Variants in TACC1 observed in about 807,000 individuals in gnomAD.
TACC1 encodes transforming acidic coiled-coil-containing protein 1.
TACC1 carries 48 observed loss-of-function variants against 84.4 expected under a neutral mutation model. That is an observed-to-expected ratio of 0.57 (90% confidence interval 0.45 to 0.72). The LOEUF is 0.72. Among genes scored for constraint, TACC1 ranks in the 30% least tolerant of loss-of-function variants. The pLI is 0.00. For synonymous variants in TACC1, 372 were observed against 376.3 expected (o/e 0.99, Z 0.13); for missense variants, 920 against 973.0 (o/e 0.95, Z 0.72).
At chr8:38,825,982 A>G (rs1230580780) in intron 4 of TACC1, among the ~76,000 whole-genome samples, 1 of 152,256 alleles carries the variant, frequency 6.6e-6, no homozygotes, top group Non-Finnish European at 1.5e-5. Context: ...CATTCTAGCA[A>G]TAAATAATAT....
At chr8:38,809,163 CA>C (rs1563670540) in intron 2 of TACC1, among the ~76,000 whole-genome samples, 1 of 152,056 alleles carries the variant, frequency 6.6e-6, no homozygotes, top group Non-Finnish European at 1.5e-5. Context: ...TACAATGTAG[CA>C]GATAAGGCTC....
At chr8:38,788,455 A>G (rs1377983815) in intron 1 of TACC1, 3 of 377,802 alleles carry the variant, frequency 7.9e-6, no homozygotes, top group Non-Finnish European at 1.4e-5. Flanking sequence ...CTCGAAAATA[A>G]ATGGTGCTGG....
intron 2 of TACC1, among the ~76,000 whole-genome samples, chr8:38,796,372 T>C (rs537072773): frequency 6.6e-6 from 1 of 152,218 alleles, no homozygotes; most frequent in Non-Finnish European, 1.5e-5. Context: ...AGAGAAGACA[T>C]ATCAGAGGAA....
intron 3 of TACC1, among the ~76,000 whole-genome samples, chr8:38,758,678 C>CAA (rs773304871): frequency 0.26 from 6,650 of 26,068 alleles, 1,815 homozygotes; most frequent in Non-Finnish European, 0.48. Context: ...GACTCCATCT[C>CAA]AAAAAAAAAA....
At chr8:38,815,462 CAG>C (rs1264223969) in intron 2 of TACC1, among the ~76,000 whole-genome samples, 1 of 152,156 alleles carries the variant, frequency 6.6e-6, no homozygotes, top group African/African-American at 2.4e-5. Flanking sequence ...TCTTGTTGCC[CAG>C]ACTGGAGTGC....
chr8:38,793,929 T>C (rs148199002), intron 2 of TACC1, among the ~76,000 whole-genome samples: 36 of 152,322 alleles, frequency 2.4e-4, no homozygotes, highest in African/African-American at 8.4e-4. Flanking sequence ...CTTATTACAA[T>C]TTCAGTAAAA....
intron 2 of TACC1, among the ~76,000 whole-genome samples, chr8:38,802,967 G>T (rs1563615375): frequency 6.6e-6 from 1 of 152,084 alleles, no homozygotes; most frequent in Non-Finnish European, 1.5e-5. Flanking sequence ...ATTTGCAGGG[G>T]ACAAATATCC....
At chr8:38,778,369 T>C (rs1587575287) in intron 3 of TACC1, among the ~76,000 whole-genome samples, 1 of 152,196 alleles carries the variant, frequency 6.6e-6, no homozygotes, top group Non-Finnish European at 1.5e-5. Flanking sequence ...GTAGGAGATA[T>C]CTTTTGACAG....
rs57680940 is a variant in TACC1, at chr8:38,756,282, C to T, written c.26+10789C>T. 6.7e-3 allele frequency among the ~76,000 whole-genome samples: 1,022 copies of T among 152,026 alleles called. 11 individuals carry two copies. Among genetic ancestry groups the T allele is most frequent in the African/African-American group, 0.023 (971 of 41,434 alleles). ...AAGCATGTTGGAGGAACAGTGAAAT[C>T]GAAACAGATTCCCTGTCTTCATGGA... On this transcript the variant is annotated intron_variant, in intron 3 of 14. Coordinates refer to the TACC1 transcript ENST00000518415.
rs947831769 is a variant in TACC1, at chr8:38,787,240, C to T, written c.-343C>T. The T allele has an allele frequency of 8.9e-6, 9 of 1,014,352 alleles. No individual in the cohort carries two copies. Among genetic ancestry groups the T allele is most frequent in the Non-Finnish European group, 1.1e-5 (9 of 849,622 alleles). The allele number at this position is 1,014,352 out of a possible 1,614,324, so 62.8% of individuals were successfully genotyped here. Reference sequence around the variant, plus strand: ...GCCCCGCCGGCCGGGAGGCGGGAGTCCGCGAGCCGGGAGCGGGAGCAGCAG... The same window carrying T: ...GCCCCGCCGGCCGGGAGGCGGGAGTTCGCGAGCCGGGAGCGGGAGCAGCAG... On this transcript the variant is annotated 5_prime_UTR_variant, in exon 1 of 13. Transcript: ENST00000317827.
intron 3 of TACC1, chr8:38,757,466 G>A: frequency 9.0e-7 from 1 of 1,107,110 alleles, no homozygotes; most frequent in Non-Finnish European, 1.1e-6. Flanking sequence ...GCCAGCCCGG[G>A]ATGGAGCGCG....
chr8:38,842,740 C>T (rs1016254802), intron 10 of TACC1, among the ~76,000 whole-genome samples: 2 of 152,366 alleles, frequency 1.3e-5, no homozygotes, highest in Admixed American at 6.5e-5. Context: ...TAATTGAACC[C>T]TCAGACCTCA....
intron 2 of TACC1, among the ~76,000 whole-genome samples, chr8:38,797,831 C>G (rs572178245): frequency 6.6e-6 from 1 of 152,198 alleles, no homozygotes; most frequent in Non-Finnish European, 1.5e-5. Flanking sequence ...GCTCTTCCTG[C>G]CAGAATAGGT....
chr8:38,824,144 T>C (rs1827511153), intron 3 of TACC1: 2 of 806,408 alleles, frequency 2.5e-6, no homozygotes, highest in Non-Finnish European at 3.7e-6. Flanking sequence ...CTTCTGATGA[T>C]TTTTTTGCAT....
At chr8:38,731,886 C>T (rs1423927719) in intron 1 of TACC1, among the ~76,000 whole-genome samples, 1 of 152,106 alleles carries the variant, frequency 6.6e-6, no homozygotes, top group East Asian at 1.9e-4. Context: ...CCAAGGCAGA[C>T]AGATAACTTG....
intron 2 of TACC1, among the ~76,000 whole-genome samples, chr8:38,806,656 G>A (rs7818605): frequency 0.35 from 53,658 of 151,906 alleles, 9,519 homozygotes; most frequent in Non-Finnish European, 0.38. Context: ...TTTTGTGCTT[G>A]CTAAGAAGGA....
chr8:38,794,419 G>A (rs1819492811), intron 2 of TACC1, among the ~76,000 whole-genome samples: 1 of 152,198 alleles, frequency 6.6e-6, no homozygotes, highest in South Asian at 2.1e-4. Flanking sequence ...TTACAGGCAT[G>A]AGCCAGCCTC....
rs981467401 is a variant in TACC1 at position 38,820,689 on chromosome 8, G to C, written c.1391+54G>C. On this transcript the variant is annotated intron_variant, in intron 3 of 12. Coordinates refer to ENST00000317827, the MANE Select transcript of TACC1 (RefSeq NM_006283.3). ...GCTCTGTGTCTTGTCTGTTGAGTTT[G>C]GCAGCCAGCTACTTTTGGCTTTGGT... is the stretch of plus-strand genomic sequence containing the variant. 1.6e-5 allele frequency: 25 copies of C among 1,551,614 alleles called. No individual in the cohort carries two copies. The African/African-American group carries it at 3.3e-4, about 20-fold the overall frequency.
intron 11 of TACC1, among the ~76,000 whole-genome samples, chr8:38,845,984 A>G (rs1832150168): frequency 6.6e-6 from 1 of 152,014 alleles, no homozygotes; most frequent in South Asian, 2.1e-4. Flanking sequence ...ATCAACTGAC[A>G]TTTATGGTTT....
Sources: allele counts gnomAD v4.1 joint callset (sites outside exome capture counted in the v4.1 genomes callset), GRCh38; gene constraint gnomAD v4.1.1; transcripts MANE v1.5; gene names NCBI Gene and HGNC (gene_info 2026-07-23, HGNC 2026-07-21).